MRPS11: variants seen among roughly 807,000 people sequenced by gnomAD.
MRPS11 encodes the protein small ribosomal subunit protein uS11m.
MRPS11 carries 27 observed loss-of-function variants against 24.3 expected under a neutral mutation model. That is an observed-to-expected ratio of 1.11 (90% confidence interval 0.82 to 1.53). The LOEUF is 1.53. Ranked by LOEUF, MRPS11 falls within the 40% of genes most tolerant of loss-of-function variation. The probability of loss-of-function intolerance (pLI) is 0.00; values close to 1 mark genes in which losing one functional copy is unlikely to be tolerated. For missense variants in MRPS11, 277 were observed against 256.5 expected (o/e 1.08, Z -0.55); for synonymous variants, 104 against 98.7 (o/e 1.05, Z -0.32).
In MRPS11 at chr15:88,480,595, C is replaced by G. The variant is rs2055911348; in HGVS notation, c.*2616C>G. 1 of 152,236 alleles carries G rather than the reference C, an allele frequency of 6.6e-6. No homozygotes were observed. Among genetic ancestry groups the G allele is most frequent in the South Asian group, 2.1e-4 (1 of 4,802 alleles). The allele number at this position is 152,236 out of a possible 1,614,324, so 9.4% of individuals were successfully genotyped here. A position where few individuals can be genotyped will look rare whatever the true frequency, so the allele number is the denominator to read the frequency against. Reference sequence around the variant, plus strand: ...CTACATGCGCAGACAGGACAGAGGACCCTTAAGGATCAATGGTCTTGTTGC... The same window carrying G: ...CTACATGCGCAGACAGGACAGAGGAGCCTTAAGGATCAATGGTCTTGTTGC... On this transcript the variant is annotated 3_prime_UTR_variant, in exon 6 of 6. Transcript: ENST00000325844. This position sits in a 1 kb window ranked among gnomAD's most constrained non-coding sequence, Gnocchi z 5.1.
In MRPS11 at chr15:88,476,975, C is replaced by CAT. The variant is rs60791231; in HGVS notation, c.412-14_412-13insAT. ...TTCTCTCTCCGGGGCACTAACCACT[C>CAT]TGCTTCTCTCCAGAGAGCTAAACAA... On this transcript the variant is annotated splice_polypyrimidine_tract_variant and intron_variant, in intron 4 of 5. Transcript: ENST00000325844. 0.016 allele frequency: 25,535 copies of CAT among 1,612,790 alleles called. 2,603 individuals are homozygous for CAT. The African/African-American group carries it at 0.25, about 16-fold the overall frequency.
intron 2 of MRPS11, chr15:88,472,179 GT>G (rs996043678): frequency 2.0e-5 from 3 of 153,162 alleles, no homozygotes; most frequent in African/African-American, 4.8e-5. Flanking sequence ...GGGATTCTGG[GT>G]TTTTTTTAAT....
rs2055850832 is a variant in MRPS11, at chr15:88,477,705, T to C, written c.478-167T>C. On this transcript the variant is annotated intron_variant, in intron 5 of 5. Coordinates refer to ENST00000325844, the MANE Select transcript of MRPS11 (RefSeq NM_022839.5). The surrounding 1 kb of genome is among the most constrained non-coding windows in gnomAD (Gnocchi z 5.7). ...GGTTAAAGGGTTTGGGTGGAGACCTTTGTGAGAGTAGAATAGGATTGGGAT... is the reference window on the plus strand; with the variant it reads ...GGTTAAAGGGTTTGGGTGGAGACCTCTGTGAGAGTAGAATAGGATTGGGAT... Among the ~76,000 whole-genome samples, 1 of 152,094 alleles carries C rather than the reference T, an allele frequency of 6.6e-6. No homozygotes were observed. Among genetic ancestry groups the C allele is most frequent in the African/African-American group, 2.4e-5 (1 of 41,408 alleles).
chr15:88,478,274 GAT>G lies in MRPS11; in HGVS notation c.*296_*297del, dbSNP rs2055864908. Reference sequence around the variant, plus strand: ...TCTGTACCACCTGTCATAATTTTGAGATTTTTTGCTTTCAGAGTTACGTAATT... The same window carrying G: ...TCTGTACCACCTGTCATAATTTTGAGTTTTTGCTTTCAGAGTTACGTAATT... On this transcript the variant is annotated 3_prime_UTR_variant, in exon 6 of 6. Transcript: ENST00000325844. This position sits in a 1 kb window ranked among gnomAD's most constrained non-coding sequence, Gnocchi z 4.7. The G allele has an allele frequency of 2.7e-6, 1 of 374,222 alleles. No homozygotes were observed. The highest frequency in any genetic ancestry group is 4.8e-5 in the East Asian group (1 of 20,882). The allele number at this position is 374,222 out of a possible 1,614,324, so 23.2% of individuals were successfully genotyped here. A position where few individuals can be genotyped will look rare whatever the true frequency, so the allele number is the denominator to read the frequency against.
chr15:88,475,050 G>A lies in MRPS11; in HGVS notation c.282-60G>A. ...CCCAGGCTTCTAGGGGCATAGATTA[G>A]CTCTCTCTTATTTCCCTGAAGAAGA... On this transcript the variant is annotated intron_variant, in intron 3 of 5. Transcript: ENST00000325844. This position sits in a 1 kb window ranked among gnomAD's most constrained non-coding sequence, Gnocchi z 4.1. 1 of 1,594,624 alleles carries A rather than the reference G, an allele frequency of 6.3e-7. No homozygotes were observed. Among genetic ancestry groups the A allele is most frequent in the Non-Finnish European group, 8.6e-7 (1 of 1,168,186 alleles).
intron 2 of MRPS11, chr15:88,472,234 A>G (rs1165737691): frequency 6.3e-6 from 1 of 158,154 alleles, no homozygotes; most frequent in African/African-American, 2.4e-5. Context: ...TTTGCAATGT[A>G]GAGTCCAGAT....
chr15:88,472,743 C>T lies in MRPS11; in HGVS notation c.281+18C>T. Reference sequence around the variant, plus strand: ...CACAACAAGTAAGTGGGAAGGGAAACACTGGGCAGGTCTAGCGTGAGATTC... The same window carrying T: ...CACAACAAGTAAGTGGGAAGGGAAATACTGGGCAGGTCTAGCGTGAGATTC... On this transcript the variant is annotated intron_variant, in intron 3 of 5. Transcript: ENST00000325844. 1 of 1,585,504 alleles carries T rather than the reference C, an allele frequency of 6.3e-7. No individual in the cohort carries two copies. Among genetic ancestry groups the T allele is most frequent in the Non-Finnish European group, 8.7e-7 (1 of 1,155,018 alleles).
intron 2 of MRPS11, chr15:88,468,849 A>C (rs928352116): frequency 6.6e-6 from 1 of 152,066 alleles, no homozygotes; most frequent in Non-Finnish European, 1.5e-5. Context: ...GTCTCCACTA[A>C]AAGCACAAAA....
Position 88,478,154 on chromosome 15 carries a change from G to T in MRPS11, c.*175G>T. On this transcript the variant is annotated 3_prime_UTR_variant, in exon 6 of 6. Transcript: ENST00000325844. The surrounding 1 kb of genome is among the most constrained non-coding windows in gnomAD (Gnocchi z 4.7). ...TGCTTGCACCTCCAGCTGGAGATGG[G>T]TGTGCCCCAGAAGTAAGCTTTGCAT... is the stretch of plus-strand genomic sequence containing the variant. 3.3e-6 allele frequency: 2 copies of T among 609,396 alleles called. No homozygotes were observed. The highest frequency in any genetic ancestry group is 5.8e-6 in the Non-Finnish European group (2 of 342,528). The allele number at this position is 609,396 out of a possible 1,614,324, so 37.7% of individuals were successfully genotyped here.
rs185546743 is a variant in MRPS11, at chr15:88,469,588, A to G, written c.182+1564A>G. On this transcript the variant is annotated intron_variant, in intron 2 of 5. Transcript: ENST00000325844. This position sits in a 1 kb window ranked among gnomAD's most constrained non-coding sequence, Gnocchi z 4.4. The stretch of plus-strand genomic sequence containing the variant: ...GACTTCAGCTTTTACTGTGAATGAA[A>G]TGGGAGGCCAATGGAAATTGCTGAA... Among the ~76,000 whole-genome samples, 4 of 152,296 alleles carry G rather than the reference A, an allele frequency of 2.6e-5. No homozygotes were observed. The highest frequency in any genetic ancestry group is 9.6e-5 in the African/African-American group (4 of 41,562).
chr15:88,472,539 G>T, intron 2 of MRPS11, 88 bp from the exon 3 acceptor site: 1 of 1,103,874 alleles, frequency 9.1e-7, no homozygotes, highest in Non-Finnish European at 1.3e-6. Flanking sequence ...AGGGGGCACA[G>T]AGCTGTTATT....
In MRPS11 at chr15:88,469,046, T is replaced by A. The variant is rs2055625863; in HGVS notation, c.182+1022T>A. 1 of 151,754 alleles carries A rather than the reference T, an allele frequency of 6.6e-6. No homozygotes were observed. The highest frequency in any genetic ancestry group is 2.4e-5 in the African/African-American group (1 of 41,228). The allele number at this position is 151,754 out of a possible 1,614,324, so 9.4% of individuals were successfully genotyped here. On this transcript the variant is annotated intron_variant, in intron 2 of 5. Coordinates refer to ENST00000325844, the MANE Select transcript of MRPS11 (RefSeq NM_022839.5). This position sits in a 1 kb window ranked among gnomAD's most constrained non-coding sequence, Gnocchi z 4.4. ...AAAAAAAAAAGAATAAGTGTCTCATTCCTGAGGAAATCAGGCAAGACCATG... is the reference window on the plus strand; with the variant it reads ...AAAAAAAAAAGAATAAGTGTCTCATACCTGAGGAAATCAGGCAAGACCATG...
At chr15:88,474,342 C>T (rs1217335135) in intron 3 of MRPS11, among the ~76,000 whole-genome samples, 1 of 152,126 alleles carries the variant, frequency 6.6e-6, no homozygotes, top group Non-Finnish European at 1.5e-5. Context: ...GGCAGATCAC[C>T]TGAGGTCGGG....
chr15:88,479,447 A>G lies in MRPS11; in HGVS notation c.*1468A>G, dbSNP rs915370577. On this transcript the variant is annotated 3_prime_UTR_variant, in exon 6 of 6. Transcript: ENST00000325844. ...GTACTGTGATCTGCCTGAACTCAGT[A>G]TAGGAAAAGACACAGATGCCCCCTT... 2.0e-5 allele frequency: 3 copies of G among 152,224 alleles called. No homozygotes were observed. The highest frequency in any genetic ancestry group is 4.4e-5 in the Non-Finnish European group (3 of 68,046). The allele number at this position is 152,224 out of a possible 1,614,324, so 9.4% of individuals were successfully genotyped here. A position where few individuals can be genotyped will look rare whatever the true frequency, so the allele number is the denominator to read the frequency against.
chr15:88,479,076 C>T lies in MRPS11; in HGVS notation c.*1097C>T, dbSNP rs2055881935. 1 of 151,384 alleles carries T rather than the reference C, an allele frequency of 6.6e-6. No individual in the cohort carries two copies. The highest frequency in any genetic ancestry group is 2.4e-5 in the African/African-American group (1 of 41,164). 9.4% of individuals were successfully genotyped at this position (151,384 alleles called of 1,614,324 possible). ...AAAATAGGGTGGATGGCAGGATGGG[C>T]TTGAGTAGAGTCCAAATCTAGAAGT... On this transcript the variant is annotated 3_prime_UTR_variant, in exon 6 of 6. Transcript: ENST00000325844.
chr15:88,469,501 G>A lies in MRPS11; in HGVS notation c.182+1477G>A, dbSNP rs1017933907. 6.6e-6 allele frequency among the ~76,000 whole-genome samples: 1 copy of A among 152,210 alleles called. No individual in the cohort carries two copies. The highest frequency in any genetic ancestry group is 1.5e-5 in the Non-Finnish European group (1 of 68,038). On this transcript the variant is annotated intron_variant, in intron 2 of 5. Transcript: ENST00000325844. The surrounding 1 kb of genome is among the most constrained non-coding windows in gnomAD (Gnocchi z 4.4). Reference sequence around the variant, plus strand: ...GTAGGAGTATAACGGTTGGAAAGGGGAAGTGGGGGTCAAGCAGGCCTGCAT... The same window carrying A: ...GTAGGAGTATAACGGTTGGAAAGGGAAAGTGGGGGTCAAGCAGGCCTGCAT...
Position 88,478,139 on chromosome 15 carries a change from TCCAG to T in MRPS11, c.*162_*165del. 1 of 620,078 alleles carries T rather than the reference TCCAG, an allele frequency of 1.6e-6. No homozygotes were observed. The highest frequency in any genetic ancestry group is 2.8e-5 in the East Asian group (1 of 36,318). The allele number at this position is 620,078 out of a possible 1,614,324, so 38.4% of individuals were successfully genotyped here. A position where few individuals can be genotyped will look rare whatever the true frequency, so the allele number is the denominator to read the frequency against. On this transcript the variant is annotated 3_prime_UTR_variant, in exon 6 of 6. Transcript: ENST00000325844. The surrounding 1 kb of genome is among the most constrained non-coding windows in gnomAD (Gnocchi z 4.7). ...TTACACAGTGGCCTTTGCTTGCACC[TCCAG>T]CTGGAGATGGGTGTGCCCCAGAAGT...
At chr15:88,472,447 C>A in intron 2 of MRPS11, 180 bp from the exon 3 acceptor site, 1 of 561,766 alleles carries the variant, frequency 1.8e-6, no homozygotes. Flanking sequence ...GAAACAGCAT[C>A]ATAAGCACAG....
In MRPS11 at chr15:88,475,119, C is replaced by A. The variant is rs752630078; in HGVS notation, c.291C>A (p.Ile97=). 7 of 1,614,204 alleles carry A rather than the reference C, an allele frequency of 4.3e-6. No individual in the cohort carries two copies. The Admixed American group carries it at 1.2e-4, about 27-fold the overall frequency. ...HIKASHNNTQ[I]QVVSASNEPL... is the part of the protein sequence containing the mutation. ...CTTCTACTTTTCTCAGCACACAGAT[C>A]CAGGTAGTCTCTGCTAGTAATGAGC... The change falls in exon 4 of 6, where the codon ATC becomes ATA. Residue 97 remains isoleucine, a synonymous_variant. Transcript: ENST00000325844. The surrounding 1 kb of genome is among the most constrained non-coding windows in gnomAD (Gnocchi z 4.1).
Sources: allele counts gnomAD v4.1 joint callset (sites outside exome capture counted in the v4.1 genomes callset), GRCh38; gene constraint gnomAD v4.1.1; non-coding constraint Gnocchi (gnomAD v3.1); transcripts MANE v1.5; gene names NCBI Gene and HGNC (gene_info 2026-07-23, HGNC 2026-07-21).